COL4A4: variants seen among roughly 807,000 people sequenced by gnomAD.
COL4A4 encodes collagen alpha-4(IV) chain.
A neutral mutation model predicts 192.9 loss-of-function variants in COL4A4; 105 were observed. The ratio of observed to expected loss-of-function variants is 0.54; its 90% CI spans 0.46 to 0.64. The LOEUF (loss-of-function observed/expected upper bound fraction) is 0.64. COL4A4 is among the 30% of genes least tolerant of loss of function. The pLI is 0.00. For missense variants in COL4A4, 1,967 were observed against 2,169.3 expected (o/e 0.91, Z 1.85); for synonymous variants, 762 against 769.9 (o/e 0.99, Z 0.17).
chr2:227,157,137 A>C (rs145392587), intron 1 of COL4A4, among the ~76,000 whole-genome samples: 2 of 152,164 alleles, frequency 1.3e-5, no homozygotes, highest in African/African-American at 4.8e-5. Context: ...AGATAATTAC[A>C]CTAGAATTCA....
the COL4A4 span, among the ~76,000 whole-genome samples, chr2:226,991,769 G>A: frequency 0.016 from 2,500 of 152,324 alleles, 38 homozygotes; most frequent in South Asian, 0.041. Context: ...AAGTGGAGGA[G>A]TTGGGATTTA....
intron 37 of COL4A4, among the ~76,000 whole-genome samples, chr2:227,035,900 C>T (rs751340942): frequency 2.0e-5 from 3 of 152,154 alleles, no homozygotes; most frequent in Admixed American, 6.5e-5. Flanking sequence ...CCCAGCCTCT[C>T]GCCATTGTTG....
At chr2:227,134,843 C>CGTGTTTGTAAAACT (rs2062709444) in intron 4 of COL4A4, among the ~76,000 whole-genome samples, 1 of 152,024 alleles carries the variant, frequency 6.6e-6, no homozygotes, top group Non-Finnish European at 1.5e-5. Context: ...GTAAAACCAC[C>CGTGTTTGTAAAACT]ACATCATAAG....
intron 1 of COL4A4, among the ~76,000 whole-genome samples, chr2:227,160,679 G>C (rs1249933708): frequency 1.3e-5 from 2 of 152,282 alleles, no homozygotes; most frequent in East Asian, 3.9e-4. Context: ...GTCCTTGCTA[G>C]CATAATTTGC....
At chr2:227,163,422 A>C (rs941501019) in intron 1 of COL4A4, among the ~76,000 whole-genome samples, 2 of 152,274 alleles carry the variant, frequency 1.3e-5, no homozygotes, top group East Asian at 1.9e-4. Flanking sequence ...GTTAGTTACT[A>C]TATCACGACT....
At chr2:226,989,094 G>A in the COL4A4 span, among the ~76,000 whole-genome samples, 2 of 152,220 alleles carry the variant, frequency 1.3e-5, no homozygotes, top group African/African-American at 4.8e-5. Context: ...GAGAATAGGC[G>A]GGGATCTAGG....
intron 25 of COL4A4, among the ~76,000 whole-genome samples, chr2:227,076,880 A>G (rs2150459977): frequency 6.6e-6 from 1 of 152,340 alleles, no homozygotes; most frequent in African/African-American, 2.4e-5. Flanking sequence ...GCCAACAAAC[A>G]TGAAAAAAAG....
rs554673653 is a variant in COL4A4, at chr2:227,113,433, AC to A, written c.558+1194del. Among the ~76,000 whole-genome samples, 17 of 152,354 alleles carry A rather than the reference AC, an allele frequency of 1.1e-4. No homozygotes were observed. The South Asian group carries it at 3.3e-3, about 30-fold the overall frequency. On this transcript the variant is annotated intron_variant, in intron 8 of 47. Transcript: ENST00000396625. ...TTACCACAATTACAAAAAAATGCTC[AC>A]TATAACTAATATGGGACATTACCAT...
At chr2:227,103,082 C>T in intron 14 of COL4A4, 62 bp downstream of exon 14, 1 of 1,420,828 alleles carries the variant, frequency 7.0e-7, no homozygotes, top group Admixed American at 1.9e-5. Flanking sequence ...TGAGAAATAA[C>T]ATTTTAAGTT....
In COL4A4 at chr2:227,078,088, T is replaced by A; in HGVS notation, c.1804-11A>T. ...ATCTTCATGATCCCCCTGGGAATGT[T>A]ATGTCATGAGTCAATTACCAACCAC... On this transcript the variant is annotated splice_polypyrimidine_tract_variant and intron_variant, in intron 24 of 47. Coordinates refer to ENST00000396625, the MANE Select transcript of COL4A4 (RefSeq NM_000092.5). 1.9e-6 allele frequency: 3 copies of A among 1,613,752 alleles called. No homozygotes were observed. In the East Asian group the frequency reaches 6.7e-5, roughly 36 times the overall value.
chr2:227,021,948 T>C, intron 44 of COL4A4, 100 bp downstream of exon 44: 1 of 1,344,786 alleles, frequency 7.4e-7, no homozygotes, highest in Non-Finnish European at 1.0e-6. Context: ...TTCTCCTCAG[T>C]AGTTTAGGCT....
intron 41 of COL4A4, among the ~76,000 whole-genome samples, chr2:227,029,865 T>TA (rs201518533): frequency 0.012 from 1,789 of 152,258 alleles, 19 homozygotes; most frequent in Non-Finnish European, 0.02. Context: ...GTCAGCAGTC[T>TA]AAAACTAAGC....
intron 25 of COL4A4, among the ~76,000 whole-genome samples, chr2:227,070,820 A>G (rs533130377): frequency 6.6e-6 from 1 of 152,002 alleles, no homozygotes; most frequent in African/African-American, 2.4e-5. Flanking sequence ...TCACATGTAT[A>G]CATATGTAAC....
intron 23 of COL4A4, among the ~76,000 whole-genome samples, chr2:227,081,006 G>A (rs2059295384): frequency 6.6e-6 from 1 of 152,206 alleles, no homozygotes; most frequent in Non-Finnish European, 1.5e-5. Flanking sequence ...AAATCAGTCT[G>A]ATGGGAGAAA....
chr2:227,060,112 A>AAAAAAC, intron 27 of COL4A4, 24 bp downstream of exon 27: 1 of 1,237,622 alleles, frequency 8.1e-7, no homozygotes, highest in African/African-American at 1.5e-5. Flanking sequence ...AAAAAAAAAA[A>AAAAAAC]AAAAAAAAAA....
downstream of COL4A4, among the ~76,000 whole-genome samples, chr2:227,002,084 C>CGAGCCTGCG (rs1961104530): frequency 6.8e-6 from 1 of 146,734 alleles, no homozygotes; most frequent in Non-Finnish European, 1.5e-5. Context: ...GCAGGAGGAT[C>CGAGCCTGCG]ATTCGAGCCT....
rs769617858 is a variant in COL4A4, at chr2:227,104,008, T to C, written c.780A>G (p.Val260=). ...QQGSPGPTLL[V]EPPDFCLYKG... ...TATAGAGACAAAAGTCAGGTGGCTC[T>C]ACCAACAGGGTGGGTCCAGGAGAAC... Residue 260 remains valine (V), a synonymous_variant, in exon 13 of 48, where the codon GTA becomes GTG. Transcript: ENST00000396625. The C allele has an allele frequency of 3.9e-5, 63 of 1,613,558 alleles. No homozygotes were observed. In the East Asian group the frequency reaches 1.4e-3, roughly 35 times the overall value.
At chr2:227,096,819 TAA>T (rs1273554384) in intron 19 of COL4A4, among the ~76,000 whole-genome samples, 3 of 152,190 alleles carry the variant, frequency 2.0e-5, no homozygotes, top group Non-Finnish European at 4.4e-5. Context: ...TGGCTTTCAC[TAA>T]ATGCTAAGGT....
intron 1 of COL4A4, among the ~76,000 whole-genome samples, chr2:227,157,225 G>GA (rs112733165): frequency 5.3e-5 from 8 of 152,098 alleles, no homozygotes; most frequent in African/African-American, 1.9e-4. Context: ...AGTCAAGGAA[G>GA]AAATCAGAAA....
Sources: allele counts gnomAD v4.1 joint callset (sites outside exome capture counted in the v4.1 genomes callset), GRCh38; gene constraint gnomAD v4.1.1; transcripts MANE v1.5; gene names NCBI Gene and HGNC (gene_info 2026-07-23, HGNC 2026-07-21).